The following IKBKE variants were observed in gnomAD, a reference collection of about 807,000 sequenced individuals.
The protein encoded by IKBKE is inhibitor of nuclear factor kappa B kinase subunit epsilon, also known as inhibitor of nuclear factor kappa-B kinase subunit epsilon.
IKBKE carries 45 observed loss-of-function variants against 92.1 expected under a neutral mutation model. That is an observed-to-expected ratio of 0.49 (90% confidence interval 0.38 to 0.63). The LOEUF (loss-of-function observed/expected upper bound fraction) is 0.63. Ranked by LOEUF, IKBKE falls within the 20% of genes least tolerant of loss-of-function variation. The pLI is 0.00. For missense variants in IKBKE, 700 were observed against 932.8 expected (o/e 0.75, Z 3.25); for synonymous variants, 374 against 380.3 (o/e 0.98, Z 0.19).
intron 10 of IKBKE, 64 bp from the exon 11 acceptor site, chr1:206,479,805 TA>T: frequency 1.3e-6 from 2 of 1,519,978 alleles, no homozygotes; most frequent in East Asian, 4.6e-5. Flanking sequence ...GAGCTGGAAA[TA>T]ATGAAAGATA....
At position 206,474,986 on chromosome 1, in the gene IKBKE, G is replaced by A. The variant is rs55721947; in HGVS notation, c.350G>A (p.Arg117His). Residue 117 changes from arginine (R) to histidine (H), a missense_variant, in exon 5 of 22, where the codon CGC becomes CAC. Physicochemically the swap from Arg to His is conservative, Grantham distance 29. Coordinates refer to ENST00000581977, the MANE Select transcript of IKBKE (RefSeq NM_014002.4). ...GAGGATGAGTTCCTGGTGGTGCTGC[G>A]CTGTGTGGGTGAGCCCCTCCCTGTC... ...LPEDEFLVVL[R>H]CVVAGMNHLR... is the part of the protein sequence containing the mutation. 164 of 1,613,890 alleles carry A rather than the reference G, an allele frequency of 1.0e-4. No individual in the cohort carries two copies. The highest frequency in any genetic ancestry group is 2.0e-4 in the East Asian group (9 of 44,880).
intron 13 of IKBKE, among the ~76,000 whole-genome samples, chr1:206,482,534 T>C (rs1665460161): frequency 6.6e-6 from 1 of 152,174 alleles, no homozygotes; most frequent in Non-Finnish European, 1.5e-5. Flanking sequence ...CAAGGTGGCC[T>C]CCGTGGTGTG....
chr1:206,477,511 G>T lies in IKBKE; in HGVS notation c.702-238G>T, dbSNP rs533571422. Among the ~76,000 whole-genome samples the T allele has an allele frequency of 5.9e-5, 9 of 152,248 alleles. No individual in the cohort carries two copies. The East Asian group carries it at 7.7e-4, about 13-fold the overall frequency. On this transcript the variant is annotated intron_variant, in intron 7 of 21. Transcript: ENST00000581977. ...TGGCCAGGCTGAGGGAAGTGTAGCGGGGGGAGAGGCAGTGGACAGGGCAAA... is the reference window on the plus strand; with the variant it reads ...TGGCCAGGCTGAGGGAAGTGTAGCGTGGGGAGAGGCAGTGGACAGGGCAAA...
At chr1:206,491,171 T>C in intron 17 of IKBKE, 2 of 464,094 alleles carry the variant, frequency 4.3e-6, no homozygotes, top group Non-Finnish European at 7.8e-6. Context: ...GCCCTCTGCC[T>C]GAACCTTCCC....
In IKBKE at chr1:206,474,484, CT is replaced by C. The variant is rs1553384663; in HGVS notation, c.228+15del. Reference sequence around the variant, plus strand: ...GGTGGAGGAGACGGTAGGTCCGGTGCTTGGTCAGAGAATGGTCTTGTCCTTG... The same window carrying C: ...GGTGGAGGAGACGGTAGGTCCGGTGCTGGTCAGAGAATGGTCTTGTCCTTG... On this transcript the variant is annotated intron_variant, in intron 4 of 21. Transcript: ENST00000581977. 6.2e-7 allele frequency: 1 copy of C among 1,608,680 alleles called. No homozygotes were observed. The highest frequency in any genetic ancestry group is 2.2e-5 in the East Asian group (1 of 44,788).
intron 3 of IKBKE, 148 bp downstream of exon 3, chr1:206,473,462 G>C: frequency 1.6e-6 from 1 of 617,568 alleles, no homozygotes; most frequent in South Asian, 2.2e-5. Flanking sequence ...CTGTGGGTTT[G>C]AGCAGAGGCA....
Position 206,485,667 on chromosome 1 carries a change from A to G in IKBKE, c.1616+361A>G, listed in dbSNP as rs1214517022. 6.6e-6 allele frequency among the ~76,000 whole-genome samples: 1 copy of G among 152,214 alleles called. No homozygotes were observed. Among genetic ancestry groups the G allele is most frequent in the African/African-American group, 2.4e-5 (1 of 41,444 alleles). Reference sequence around the variant, plus strand: ...AGCATCTCGTTGAATCCTGAAAACAATAATGATGCTATGATAATGCCCTTT... The same window carrying G: ...AGCATCTCGTTGAATCCTGAAAACAGTAATGATGCTATGATAATGCCCTTT... On this transcript the variant is annotated intron_variant, in intron 15 of 21. Coordinates refer to ENST00000581977, the MANE Select transcript of IKBKE (RefSeq NM_014002.4). The surrounding 1 kb of genome is among the most constrained non-coding windows in gnomAD (Gnocchi z 5.0).
At chr1:206,489,345 ATG>A (rs1312395366) in intron 16 of IKBKE, among the ~76,000 whole-genome samples, 58 of 119,752 alleles carry the variant, frequency 4.8e-4, no homozygotes, top group South Asian at 4.6e-3. Flanking sequence ...ATGTGTGTAT[ATG>A]TGTGTGTGTG....
Position 206,478,727 on chromosome 1 carries a change from TG to T in IKBKE, c.993-213del, listed in dbSNP as rs1366074119. Among the ~76,000 whole-genome samples, 1 of 152,138 alleles carries T rather than the reference TG, an allele frequency of 6.6e-6. No individual in the cohort carries two copies. Among genetic ancestry groups the T allele is most frequent in the Non-Finnish European group, 1.5e-5 (1 of 68,016 alleles). On this transcript the variant is annotated intron_variant, in intron 9 of 21. Transcript: ENST00000581977. The surrounding 1 kb of genome is among the most constrained non-coding windows in gnomAD (Gnocchi z 4.8). ...GGCAAAGGCTGGGTATTAGGACTCCTGGGACCTGTTCCCACTCTGTCTCCAT... is the reference window on the plus strand; with the variant it reads ...GGCAAAGGCTGGGTATTAGGACTCCTGGACCTGTTCCCACTCTGTCTCCAT...
intron 5 of IKBKE, among the ~76,000 whole-genome samples, chr1:206,475,494 G>A (rs1665011544): frequency 1.3e-5 from 2 of 152,186 alleles, no homozygotes; most frequent in Admixed American, 1.3e-4. Flanking sequence ...CAGCACTTTG[G>A]GAGGCCCAAG....
At chr1:206,474,806 C>T in intron 4 of IKBKE, 59 bp from the exon 5 acceptor site, 2 of 1,591,180 alleles carry the variant, frequency 1.3e-6, no homozygotes, top group African/African-American at 1.3e-5. Flanking sequence ...GCCACTTCTT[C>T]CTGGTGGGTG....
Position 206,476,588 on chromosome 1 carries a change from T to C in IKBKE, c.541-90T>C, listed in dbSNP as rs41296032. 2,223 of 1,478,140 alleles carry C rather than the reference T, an allele frequency of 1.5e-3. 37 individuals are homozygous for C. The African/African-American group carries it at 0.029, about 19-fold the overall frequency. 91.6% of individuals were successfully genotyped at this position (1,478,140 alleles called of 1,614,324 possible). On this transcript the variant is annotated intron_variant, in intron 6 of 21. Coordinates refer to ENST00000581977, the MANE Select transcript of IKBKE (RefSeq NM_014002.4). This position sits in a 1 kb window ranked among gnomAD's most constrained non-coding sequence, Gnocchi z 5.1. ...AAGAAGGATTTGAACAGTTCTGTTT[T>C]CACCTGCAGGCGGTGAAAGGGGGTC... is the stretch of plus-strand genomic sequence containing the variant.
chr1:206,486,770 T>C (rs557076371), intron 15 of IKBKE, among the ~76,000 whole-genome samples: 1 of 141,604 alleles, frequency 7.1e-6, no homozygotes, highest in East Asian at 2.2e-4. Flanking sequence ...CCAGGCCCTG[T>C]CTTTTGGATG....
At position 206,491,995 on chromosome 1, in the gene IKBKE, G is replaced by A. The variant is rs41299854; in HGVS notation, c.1835+246G>A. 2,691 of 393,720 alleles carry A rather than the reference G, an allele frequency of 6.8e-3. 65 individuals carry two copies. The highest frequency in any genetic ancestry group is 0.052 in the African/African-American group (2,547 of 48,530). The allele number at this position is 393,720 out of a possible 1,614,324, so 24.4% of individuals were successfully genotyped here. On this transcript the variant is annotated intron_variant, in intron 18 of 21. Coordinates refer to ENST00000581977, the MANE Select transcript of IKBKE (RefSeq NM_014002.4). The stretch of plus-strand genomic sequence containing the variant: ...TATCATCACCCTATTTCCTAGGTGA[G>A]GAAACTGAGGCTCTGAGAACAGGTC...
intron 19 of IKBKE, 50 bp downstream of exon 19, chr1:206,493,169 G>A (rs376429180): frequency 1.8e-5 from 28 of 1,559,872 alleles, no homozygotes; most frequent in African/African-American, 2.7e-5. Context: ...AGGCTGGGGC[G>A]CTTGTTACCC....
rs554627636 is a variant in IKBKE, at chr1:206,479,946, C to T, written c.1248+12C>T. The T allele has an allele frequency of 1.2e-6, 2 of 1,613,636 alleles. No homozygotes were observed. Among genetic ancestry groups the T allele is most frequent in the South Asian group, 1.1e-5 (1 of 91,038 alleles). Reference sequence around the variant, plus strand: ...ACAACACTGCCAAGGTGAGGGGCAACCCCCAGGTGGCAGGGAGGGGCATGA... The same window carrying T: ...ACAACACTGCCAAGGTGAGGGGCAATCCCCAGGTGGCAGGGAGGGGCATGA... On this transcript the variant is annotated intron_variant, in intron 11 of 21. Transcript: ENST00000581977.
At position 206,480,451 on chromosome 1, in the gene IKBKE, G is replaced by A. The variant is rs150772428; in HGVS notation, c.1345G>A (p.Val449Met). 9.2e-4 allele frequency: 1,490 copies of A among 1,613,284 alleles called. 1 individual carries two copies. The highest frequency in any genetic ancestry group is 1.1e-3 in the Non-Finnish European group (1,346 of 1,179,420). ...MFRGLHWVME[V>M]LQATCRRTLE... ...ACTCAGTCTCCCCTTGGACAGGGAG[G>A]TGCTCCAGGCCACATGCAGACGGAC... The change falls in exon 13 of 22, where the codon GTG becomes ATG. Residue 449 changes from valine (V) to methionine (M), a missense_variant. By Grantham distance (21) the Val-to-Met change is conservative. Coordinates refer to ENST00000581977, the MANE Select transcript of IKBKE (RefSeq NM_014002.4).
chr1:206,478,445 A>T lies in IKBKE; in HGVS notation c.992+106A>T, dbSNP rs1665191339. On this transcript the variant is annotated intron_variant, in intron 9 of 21. Coordinates refer to ENST00000581977, the MANE Select transcript of IKBKE (RefSeq NM_014002.4). The surrounding 1 kb of genome is among the most constrained non-coding windows in gnomAD (Gnocchi z 4.8). ...AGTACGTTCTGAGGAGTGTGTACAT[A>T]GGAACGCTTCCAGGTCCAAACGTAG... The T allele has an allele frequency of 8.6e-7, 1 of 1,159,536 alleles. No individual in the cohort carries two copies. The highest frequency in any genetic ancestry group is 2.4e-5 in the East Asian group (1 of 42,442). 71.8% of individuals were successfully genotyped at this position (1,159,536 alleles called of 1,614,324 possible).
chr1:206,482,237 C>A (rs762908451), intron 13 of IKBKE, among the ~76,000 whole-genome samples: 2 of 152,032 alleles, frequency 1.3e-5, no homozygotes, highest in Non-Finnish European at 2.9e-5. Flanking sequence ...CAGAGCTAAG[C>A]CAGAGGCGGA....
Sources: gnomAD v4.1 joint callset for allele counts (sites outside exome capture counted in the v4.1 genomes callset) on GRCh38, gnomAD v4.1.1 for gene constraint, Gnocchi (gnomAD v3.1) non-coding constraint, MANE v1.5 for transcripts, NCBI Gene and HGNC (gene_info 2026-07-23, HGNC 2026-07-21) for gene names.